Variants in EEIG2 observed in about 807,000 individuals in gnomAD.
EEIG2 encodes EEIG family member 2.
the EEIG2 span, among the ~76,000 whole-genome samples, chr1:108,601,135 TCAAA>T: frequency 2.1e-3 from 313 of 152,244 alleles, 1 homozygote; most frequent in Middle Eastern, 0.034. Flanking sequence ...AAGTCGGGAC[TCAAA>T]CAGAGTTTTC....
the EEIG2 span, among the ~76,000 whole-genome samples, chr1:108,572,028 C>T: frequency 2.0e-5 from 3 of 152,210 alleles, no homozygotes; most frequent in Admixed American, 6.5e-5. Flanking sequence ...TGCCCTCAAT[C>T]CTGCACTCTG....
At chr1:108,625,867 T>G in the EEIG2 span, 5 of 152,348 alleles carry the variant, frequency 3.3e-5, no homozygotes, top group South Asian at 6.2e-4. Context: ...ATGATATATG[T>G]ACCACACACT....
chr1:108,560,673 T>TA, the EEIG2 span: 2 of 1,311,156 alleles, frequency 1.5e-6, no homozygotes, highest in Non-Finnish European at 2.0e-6. Flanking sequence ...GGGACCGCTC[T>TA]AAAATCAGTC....
the EEIG2 span, among the ~76,000 whole-genome samples, chr1:108,584,289 A>T: frequency 3.3e-5 from 5 of 152,194 alleles, no homozygotes; most frequent in Non-Finnish European, 2.9e-5. Flanking sequence ...CAAATATTAA[A>T]AACAAACTCA....
chr1:108,580,553 A>C, the EEIG2 span, among the ~76,000 whole-genome samples: 2 of 152,222 alleles, frequency 1.3e-5, no homozygotes, highest in Non-Finnish European at 2.9e-5. Context: ...AGGTTGTAGA[A>C]GGAAATTAAA....
At chr1:108,599,145 A>G in the EEIG2 span, among the ~76,000 whole-genome samples, 6 of 152,076 alleles carry the variant, frequency 3.9e-5, no homozygotes, top group African/African-American at 1.4e-4. Flanking sequence ...AGCCTGGGTG[A>G]CAGAGTGAGA....
chr1:108,630,664 T>C, the EEIG2 span, among the ~76,000 whole-genome samples: 6 of 152,228 alleles, frequency 3.9e-5, no homozygotes, highest in Admixed American at 2.0e-4. Flanking sequence ...CAAACTTACA[T>C]TGATTATCAG....
the EEIG2 span, among the ~76,000 whole-genome samples, chr1:108,566,553 A>C: frequency 2.0e-5 from 3 of 152,232 alleles, no homozygotes; most frequent in Non-Finnish European, 4.4e-5. Flanking sequence ...AATTGAAATC[A>C]GTATGTTGAA....
chr1:108,572,477 TA>T, the EEIG2 span, among the ~76,000 whole-genome samples: 1 of 152,050 alleles, frequency 6.6e-6, no homozygotes, highest in Non-Finnish European at 1.5e-5. Flanking sequence ...TTGTACATTC[TA>T]GGGGGTCGGC....
At chr1:108,585,629 C>T in the EEIG2 span, among the ~76,000 whole-genome samples, 1 of 152,092 alleles carries the variant, frequency 6.6e-6, no homozygotes. Context: ...TGATCCCTTC[C>T]ATCTCCTCCC....
chr1:108,589,234 T>C, the EEIG2 span, among the ~76,000 whole-genome samples: 1 of 152,132 alleles, frequency 6.6e-6, no homozygotes, highest in African/African-American at 2.4e-5. Context: ...AAATCTTTTC[T>C]CCTTACTGTT....
chr1:108,626,741 C>T, the EEIG2 span: 1 of 152,162 alleles, frequency 6.6e-6, no homozygotes, highest in Non-Finnish European at 1.5e-5. Flanking sequence ...TCTTTCTAGC[C>T]CCTTTTCCCT....
chr1:108,580,033 G>C, the EEIG2 span, among the ~76,000 whole-genome samples: 2 of 152,102 alleles, frequency 1.3e-5, no homozygotes, highest in Non-Finnish European at 2.9e-5. Flanking sequence ...CCAAAGTGCT[G>C]AGATTACAAA....
chr1:108,619,346 T>C, the EEIG2 span, among the ~76,000 whole-genome samples: 8 of 152,336 alleles, frequency 5.3e-5, no homozygotes, highest in East Asian at 1.2e-3. Context: ...TCTTTTCTCT[T>C]TGAAATTGTT....
chr1:108,602,129 A>C, the EEIG2 span, among the ~76,000 whole-genome samples: 1 of 152,224 alleles, frequency 6.6e-6, no homozygotes, highest in Non-Finnish European at 1.5e-5. Flanking sequence ...GTCAGTGAAG[A>C]CTTCTCTGAA....
At chr1:108,624,461 T>C in the EEIG2 span, among the ~76,000 whole-genome samples, 2 of 152,310 alleles carry the variant, frequency 1.3e-5, no homozygotes, top group Admixed American at 1.3e-4. Context: ...CCTTTTCTTT[T>C]ATGAATTTTA....
At chr1:108,623,959 A>T in the EEIG2 span, among the ~76,000 whole-genome samples, 3 of 152,170 alleles carry the variant, frequency 2.0e-5, no homozygotes, top group African/African-American at 7.2e-5. Flanking sequence ...GGCGTGAGCC[A>T]CTGCACCCAG....
the EEIG2 span, among the ~76,000 whole-genome samples, chr1:108,580,882 A>G: frequency 6.6e-6 from 1 of 152,220 alleles, no homozygotes; most frequent in Non-Finnish European, 1.5e-5. Context: ...AGATCTAGCT[A>G]AGATCATTGA....
the EEIG2 span, among the ~76,000 whole-genome samples, chr1:108,591,395 G>T: frequency 6.6e-6 from 1 of 152,142 alleles, no homozygotes; most frequent in Admixed American, 6.5e-5. Flanking sequence ...GATTGTTTGA[G>T]AATCCAAGGC....
Sources: allele counts gnomAD v4.1 joint callset (sites outside exome capture counted in the v4.1 genomes callset), GRCh38; gene constraint gnomAD v4.1.1; transcripts MANE v1.5; gene names NCBI Gene and HGNC (gene_info 2026-07-23, HGNC 2026-07-21).